LIFR: variants seen among roughly 807,000 people sequenced by gnomAD.
The protein encoded by LIFR is leukemia inhibitory factor receptor.
A neutral mutation model predicts 122.2 loss-of-function variants in LIFR; 84 were observed. The observed-to-expected ratio is 0.69, with a 90% CI of 0.58 to 0.82. The LOEUF is 0.82. Ranked by LOEUF, LIFR falls within the 40% of genes least tolerant of loss-of-function variation. The pLI is 0.00. For missense variants in LIFR, 1,294 were observed against 1,311.6 expected (o/e 0.99, Z 0.21); for synonymous variants, 422 against 434.7 (o/e 0.97, Z 0.36).
chr5:38,584,553 A>C (rs900868042), intron 1 of LIFR, among the ~76,000 whole-genome samples: 1 of 152,160 alleles, frequency 6.6e-6, no homozygotes, highest in Non-Finnish European at 1.5e-5. Flanking sequence ...AAGAGATCCT[A>C]ATGCTTGCCA....
rs1439167190 is a variant in LIFR at position 38,481,800 on chromosome 5, G to A, written c.3089C>T (p.Pro1030Leu). 17 of 1,613,938 alleles carry A rather than the reference G, an allele frequency of 1.1e-5. No homozygotes were observed. The highest frequency in any genetic ancestry group is 1.4e-5 in the Non-Finnish European group (16 of 1,180,004). The change falls in exon 20 of 20, where the codon CCT (proline) becomes CTT (leucine). Residue 1030 changes from proline to leucine, a missense_variant. Coordinates refer to ENST00000453190, the MANE Select transcript of LIFR (RefSeq NM_001127671.2). ...EDLDKTAGYRPQANVNTWNLV... is the reference protein window; with the variant it reads ...EDLDKTAGYRLQANVNTWNLV... The stretch of plus-strand genomic sequence containing the variant: ...ATTCCATGTATTTACATTGGCCTGA[G>A]GTCTGTAACCCGCAGTTTTATCTAA...
At chr5:38,551,641 T>G (rs1748206586) in intron 1 of LIFR, among the ~76,000 whole-genome samples, 2 of 152,238 alleles carry the variant, frequency 1.3e-5, no homozygotes, top group Admixed American at 1.3e-4. Context: ...CTAAGGATAC[T>G]GCCGCTTAGT....
At chr5:38,504,153 T>A in intron 9 of LIFR, 32 bp from the exon 10 acceptor site, 1 of 1,372,922 alleles carries the variant, frequency 7.3e-7, no homozygotes, top group Non-Finnish European at 1.0e-6. Flanking sequence ...ATTAAACACT[T>A]ATTTAAAGGG....
At chr5:38,564,843 G>A (rs1396689442) in intron 1 of LIFR, among the ~76,000 whole-genome samples, 4 of 149,834 alleles carry the variant, frequency 2.7e-5, no homozygotes, top group South Asian at 2.1e-4. Context: ...GTGCAATCTC[G>A]GCTCACTGCA....
chr5:38,523,446 A>C lies in LIFR; in HGVS notation c.534T>G (p.Arg178=). Residue 178 remains arginine (R), a synonymous_variant, in exon 5 of 20, where the codon CGT becomes CGG. Transcript: ENST00000453190. ...SNVIWEIKVL[R]KESMELVKLV... Reference sequence around the variant, plus strand: ...ATTTTACGAGCTCCATACTCTCTTTACGTAGAACTTTAATTTCCCAGATAA... The same window carrying C: ...ATTTTACGAGCTCCATACTCTCTTTCCGTAGAACTTTAATTTCCCAGATAA... 6.2e-7 allele frequency: 1 copy of C among 1,613,076 alleles called. No individual in the cohort carries two copies. The highest frequency in any genetic ancestry group is 1.1e-5 in the South Asian group (1 of 90,838).
rs1745448182 is a variant in LIFR at position 38,505,904 on chromosome 5, C to T, written c.1291+1G>A. On this transcript the variant is annotated splice_donor_variant, in intron 9 of 19. Coordinates refer to ENST00000453190, the MANE Select transcript of LIFR (RefSeq NM_001127671.2). LOFTEE classifies it high-confidence loss of function. The stretch of plus-strand genomic sequence containing the variant: ...AAGACATTAGTTTATGTACAGCTTA[C>T]CTTTTTCAGTTATATTAACTAAAAT... 1 of 1,598,040 alleles carries T rather than the reference C, an allele frequency of 6.3e-7. No homozygotes were observed. Among genetic ancestry groups the T allele is most frequent in the Admixed American group, 1.7e-5 (1 of 59,476 alleles).
At chr5:38,553,668 A>T (rs1319649067) in intron 1 of LIFR, among the ~76,000 whole-genome samples, 1 of 111,766 alleles carries the variant, frequency 8.9e-6, no homozygotes, top group Non-Finnish European at 1.8e-5. Context: ...ATATATATAT[A>T]TATATTATAT....
chr5:38,553,003 A>G (rs1238463156), intron 1 of LIFR, among the ~76,000 whole-genome samples: 1 of 152,190 alleles, frequency 6.6e-6, no homozygotes, highest in Non-Finnish European at 1.5e-5. Flanking sequence ...CACCACTCAC[A>G]TCTTTCCCAC....
chr5:38,481,651 A>G lies in LIFR; in HGVS notation c.3238T>C (p.Ser1080Pro). The change falls in exon 20 of 20, where the codon TCT (serine) becomes CCT (proline). Residue 1080 changes from serine (S) to proline (P), a missense_variant. Ser to Pro is a moderately conservative substitution (Grantham distance 74). Transcript: ENST00000453190. ...GTAAAGGACCACCCTCCTCCATTAGATTTAGGAGAGTCTTCATCTTTAGGA... is the reference window on the plus strand; with the variant it reads ...GTAAAGGACCACCCTCCTCCATTAGGTTTAGGAGAGTCTTCATCTTTAGGA... ...IPPKDEDSPK[S>P]NGGGWSFTNF... is the part of the protein sequence containing the mutation. 6.2e-7 allele frequency: 1 copy of G among 1,614,104 alleles called. No homozygotes were observed. The highest frequency in any genetic ancestry group is 2.2e-5 in the East Asian group (1 of 44,884).
Position 38,603,829 on chromosome 5 carries a change from C to T in LIFR, n.305+2376G>A, listed in dbSNP as rs561621835. ...TCAAGTCTTCAGGATGTTTTCTTCT[C>T]TTATTCATTCCTGTGGTCAGACTCA... On this transcript the variant is annotated intron_variant and non_coding_transcript_variant, in intron 2 of 3. Coordinates refer to the LIFR transcript ENST00000507786. 5.7e-4 allele frequency among the ~76,000 whole-genome samples: 86 copies of T among 152,196 alleles called. 1 individual carries two copies. Among genetic ancestry groups the T allele is most frequent in the African/African-American group, 2.0e-3 (84 of 41,466 alleles).
intron 16 of LIFR, among the ~76,000 whole-genome samples, chr5:38,486,835 T>C (rs572136885): frequency 2.0e-5 from 3 of 152,218 alleles, no homozygotes; most frequent in East Asian, 1.9e-4. Context: ...ATCATTCGTA[T>C]AGAAACATCG....
chr5:38,581,209 T>A (rs1441489411), intron 1 of LIFR, among the ~76,000 whole-genome samples: 1 of 151,762 alleles, frequency 6.6e-6, no homozygotes, highest in African/African-American at 2.4e-5. Context: ...CCTATTAGAA[T>A]CATCTTTCTA....
intron 1 of LIFR, among the ~76,000 whole-genome samples, chr5:38,554,167 T>C (rs889132637): frequency 6.6e-5 from 10 of 152,244 alleles, no homozygotes; most frequent in Non-Finnish European, 1.3e-4. Flanking sequence ...TTAAAATGTG[T>C]ATCTGTTCCT....
At chr5:38,603,811 T>G (rs1435830247) in intron 2 of LIFR, among the ~76,000 whole-genome samples, 1 of 152,214 alleles carries the variant, frequency 6.6e-6, no homozygotes, top group Non-Finnish European at 1.5e-5. Flanking sequence ...AGGTCAAGTC[T>G]TCAGGATGTT....
At chr5:38,538,357 T>C (rs1747400640) in intron 1 of LIFR, among the ~76,000 whole-genome samples, 1 of 152,242 alleles carries the variant, frequency 6.6e-6, no homozygotes, top group Non-Finnish European at 1.5e-5. Context: ...GATTGGCCTC[T>C]TCCCAGTTAC....
intron 7 of LIFR, among the ~76,000 whole-genome samples, chr5:38,509,247 A>G (rs538860205): frequency 2.0e-5 from 3 of 152,350 alleles, no homozygotes; most frequent in Non-Finnish European, 2.9e-5. Flanking sequence ...AAGCAACTTC[A>G]CTACATATAC....
rs1166977744 is a variant in LIFR at position 38,556,473 on chromosome 5, C to CCTCCGCAGCCGCCGT, written c.-174_-160dup. On this transcript the variant is annotated 5_prime_UTR_variant, in exon 1 of 20. Transcript: ENST00000453190. ...GGGGGCCGGGCACAATGCGCCGCCG[C>CCTCCGCAGCCGCCGT]CTCCGCAGCCGCCGTCTCGCCTCCC... is the stretch of plus-strand genomic sequence containing the variant. The CCTCCGCAGCCGCCGT allele has an allele frequency of 6.6e-6, 1 of 151,752 alleles. No individual in the cohort carries two copies. The highest frequency in any genetic ancestry group is 1.5e-5 in the Non-Finnish European group (1 of 68,058). 9.4% of individuals were successfully genotyped at this position (151,752 alleles called of 1,614,324 possible). A position where few individuals can be genotyped will look rare whatever the true frequency, so the allele number is the denominator to read the frequency against.
chr5:38,595,727 CTTTTTTTTTTT>C (rs70978897), upstream of LIFR, among the ~76,000 whole-genome samples: 8 of 91,932 alleles, frequency 8.7e-5, no homozygotes, highest in South Asian at 1.0e-3. Context: ...CACAATAGGT[CTTTTTTTTTTT>C]TTTTTTTTTT....
chr5:38,503,559 T>C (rs1343641047), intron 10 of LIFR, among the ~76,000 whole-genome samples: 1 of 152,174 alleles, frequency 6.6e-6, no homozygotes, highest in African/African-American at 2.4e-5. Context: ...TCAACCTAAA[T>C]ATTTAAAATG....
Sources: gnomAD v4.1 joint callset for allele counts (sites outside exome capture counted in the v4.1 genomes callset) on GRCh38, gnomAD v4.1.1 for gene constraint, MANE v1.5 for transcripts, NCBI Gene and HGNC (gene_info 2026-07-23, HGNC 2026-07-21) for gene names.